The following CABIN1 variants were observed in gnomAD, a reference collection of about 807,000 sequenced individuals.
CABIN1 encodes the protein calcineurin binding protein 1.
Under a neutral mutation model 227.7 loss-of-function variants are expected in CABIN1, and 133 were observed. The observed-to-expected ratio is 0.58, with a 90% confidence interval of 0.51 to 0.67. The LOEUF is 0.67. Among genes scored for constraint, CABIN1 ranks in the 30% least tolerant of loss-of-function variants. CABIN1 has a pLI of 0.00. For missense variants in CABIN1, 2,408 were observed against 2,852.5 expected, an observed-to-expected ratio of 0.84 and a Z score of 3.55; for synonymous variants, 1,086 against 1,155.1, an observed-to-expected ratio of 0.94 and a Z score of 1.21.
At chr22:24,015,687 T>C (rs1480428829) in intron 1 of CABIN1, among the ~76,000 whole-genome samples, 4 of 151,892 alleles carry the variant, frequency 2.6e-5, no homozygotes. Flanking sequence ...CCAGGCATGG[T>C]GGCTCACGCC....
Position 24,108,671 on chromosome 22 carries a change from A to G in CABIN1, c.4118-4895A>G, listed in dbSNP as rs548889049. Among the ~76,000 whole-genome samples the G allele has an allele frequency of 7.9e-5, 12 of 152,326 alleles. No homozygotes were observed. The South Asian group carries it at 2.1e-3, about 26-fold the overall frequency. On this transcript the variant is annotated intron_variant, in intron 26 of 36. Transcript: ENST00000263119. Reference sequence around the variant, plus strand: ...CTATGGCAGGGATGCCTACAAGGTCACTGTCCCCAAACCCTGGTATATGAT... The same window carrying G: ...CTATGGCAGGGATGCCTACAAGGTCGCTGTCCCCAAACCCTGGTATATGAT...
At chr22:24,082,915 T>A (rs2040901661) in intron 19 of CABIN1, among the ~76,000 whole-genome samples, 1 of 152,186 alleles carries the variant, frequency 6.6e-6, no homozygotes, top group Non-Finnish European at 1.5e-5. Context: ...ATGAGTGAAG[T>A]TCCCAGGAGG....
intron 29 of CABIN1, among the ~76,000 whole-genome samples, chr22:24,142,553 C>T (rs995427189): frequency 4.6e-5 from 7 of 152,206 alleles, no homozygotes; most frequent in Non-Finnish European, 1.0e-4. Context: ...CTTGCCCCTT[C>T]TCTCTCTCCA....
chr22:24,172,595 G>C (rs1227423646), intron 34 of CABIN1, among the ~76,000 whole-genome samples: 1 of 152,226 alleles, frequency 6.6e-6, no homozygotes, highest in Non-Finnish European at 1.5e-5. Flanking sequence ...GAGGACAAAG[G>C]TGCGGGCAGT....
intron 23 of CABIN1, among the ~76,000 whole-genome samples, chr22:24,088,211 T>C (rs536981409): frequency 2.8e-4 from 42 of 152,140 alleles, no homozygotes; most frequent in Non-Finnish European, 5.0e-4. Context: ...ACTGACATGT[T>C]TAGGCTAGTG....
At chr22:24,035,183 C>T (rs2036776234) in intron 1 of CABIN1, among the ~76,000 whole-genome samples, 2 of 152,230 alleles carry the variant, frequency 1.3e-5, no homozygotes, top group Non-Finnish European at 2.9e-5. Flanking sequence ...GTTACCTCTG[C>T]TAGCAGTGAT....
In CABIN1 at chr22:24,113,686, C is replaced by A. The variant is rs144416228; in HGVS notation, c.4238C>A (p.Pro1413His). The change falls in exon 27 of 37, where the codon CCC becomes CAC. Residue 1413 changes from proline (P) to histidine (H), a missense_variant. By Grantham distance (77) the Pro-to-His change is moderately conservative. Around this residue, in one of 3 missense-constraint regions of CABIN1, gnomAD observed 649 missense variants for 910.3 expected, o/e 0.71. Coordinates refer to ENST00000263119, the MANE Select transcript of CABIN1 (RefSeq NM_012295.4). ...AAATCCTACACAGAGAAGAGGCTGC[C>A]CATTCTCAGTTCCCAAGCAGGAGCG... ...SRKSYTEKRL[P>H]ILSSQAGATG... 1.9e-5 allele frequency: 30 copies of A among 1,613,932 alleles called. No homozygotes were observed. The African/African-American group carries it at 3.7e-4, about 20-fold the overall frequency.
chr22:24,070,039 G>T (rs2146690133), intron 16 of CABIN1, among the ~76,000 whole-genome samples: 1 of 151,026 alleles, frequency 6.6e-6, no homozygotes, highest in Admixed American at 6.6e-5. Flanking sequence ...GAGATCCCAG[G>T]CATTTAAATG....
rs1342156938 is a variant in CABIN1, at chr22:24,042,677, A to G, written c.346-227A>G. Among the ~76,000 whole-genome samples, 4 of 152,136 alleles carry G rather than the reference A, an allele frequency of 2.6e-5. No individual in the cohort carries two copies. In the South Asian group the frequency reaches 6.2e-4, roughly 24 times the overall value. ...TCACTCTAGATCTTGGAAACGTGCGACTCCAGGAAAGATGAGCTGGCATTA... is the reference window on the plus strand; with the variant it reads ...TCACTCTAGATCTTGGAAACGTGCGGCTCCAGGAAAGATGAGCTGGCATTA... On this transcript the variant is annotated intron_variant, in intron 5 of 36. Coordinates refer to ENST00000263119, the MANE Select transcript of CABIN1 (RefSeq NM_012295.4).
At chr22:24,104,306 G>T (rs1457012684) in intron 26 of CABIN1, among the ~76,000 whole-genome samples, 1 of 152,166 alleles carries the variant, frequency 6.6e-6, no homozygotes, top group African/African-American at 2.4e-5. Flanking sequence ...TATCAAGAGG[G>T]GCTGTTCACC....
Position 24,104,709 on chromosome 22 carries a change from C to G in CABIN1, c.4117+6517C>G, listed in dbSNP as rs555735220. Among the ~76,000 whole-genome samples the G allele has an allele frequency of 6.6e-5, 10 of 152,334 alleles. No homozygotes were observed. The South Asian group carries it at 1.0e-3, about 16-fold the overall frequency. ...TGGGCACCCCGATTTCCCGGGCCAGCCTTGCTTCTGGTGGACGTGTTCTTT... is the reference window on the plus strand; with the variant it reads ...TGGGCACCCCGATTTCCCGGGCCAGGCTTGCTTCTGGTGGACGTGTTCTTT... On this transcript the variant is annotated intron_variant, in intron 26 of 36. Transcript: ENST00000263119.
At chr22:24,055,477 A>C (rs1301431200) in intron 9 of CABIN1, among the ~76,000 whole-genome samples, 1 of 152,178 alleles carries the variant, frequency 6.6e-6, no homozygotes, top group Admixed American at 6.5e-5. Context: ...GTTGCTCTTA[A>C]CCACTTGTAA....
chr22:24,098,482 A>G lies in CABIN1; in HGVS notation c.4117+290A>G, dbSNP rs116202675. On this transcript the variant is annotated intron_variant, in intron 26 of 36. Transcript: ENST00000263119. ...TGAGCCTTCTTTTTCTCGCCTGCAA[A>G]ATGGGGACATGACATCTACTTTGAA... 8.7e-3 allele frequency among the ~76,000 whole-genome samples: 1,329 copies of G among 152,218 alleles called. 21 individuals are homozygous for G. The highest frequency in any genetic ancestry group is 0.03 in the African/African-American group (1,245 of 41,520).
At chr22:24,057,126 C>T (rs376438288) in intron 10 of CABIN1, among the ~76,000 whole-genome samples, 12 of 152,204 alleles carry the variant, frequency 7.9e-5, no homozygotes, top group African/African-American at 2.4e-4. Flanking sequence ...TTGGTAGAGA[C>T]GGGGTTTCAC....
intron 29 of CABIN1, among the ~76,000 whole-genome samples, chr22:24,136,934 T>G (rs2148256834): frequency 6.6e-6 from 1 of 152,332 alleles, no homozygotes; most frequent in African/African-American, 2.4e-5. Flanking sequence ...GTGAGCCCTT[T>G]GTCAGTGTTT....
intron 5 of CABIN1, 86 bp from the exon 6 acceptor site, chr22:24,042,818 C>CCG (rs1491098123): frequency 2.9e-6 from 2 of 685,056 alleles, no homozygotes; most frequent in Admixed American, 3.2e-5. Flanking sequence ...AGAGATCTGA[C>CCG]TGTGTGTGTG....
chr22:24,096,481 T>C (rs1324101447), intron 25 of CABIN1, among the ~76,000 whole-genome samples: 1 of 152,160 alleles, frequency 6.6e-6, no homozygotes, highest in Non-Finnish European at 1.5e-5. Context: ...CCCATTCTCC[T>C]GAGAAGCAGT....
rs60105620 is a variant in CABIN1 at position 24,031,433 on chromosome 22, A to G, written c.-74-4011A>G. Among the ~76,000 whole-genome samples the G allele has an allele frequency of 4.1e-4, 62 of 152,346 alleles. No homozygotes were observed. The East Asian group carries it at 9.4e-3, about 23-fold the overall frequency. On this transcript the variant is annotated intron_variant, in intron 1 of 36. Coordinates refer to ENST00000263119, the MANE Select transcript of CABIN1 (RefSeq NM_012295.4). ...GTTGTAAAGGATCAGGGAGTCAAGT[A>G]TCTGAGACACAACTCAGCCACACTC...
intron 1 of CABIN1, among the ~76,000 whole-genome samples, chr22:24,032,000 A>C (rs541347077): frequency 6.6e-6 from 1 of 152,300 alleles, no homozygotes; most frequent in African/African-American, 2.4e-5. Flanking sequence ...ATGGAAACAA[A>C]ATTTACCATT....
Sources: gnomAD v4.1 joint callset for allele counts (sites outside exome capture counted in the v4.1 genomes callset) on GRCh38, gnomAD v4.1.1 for gene constraint, gnomAD v4.1.1 regional missense constraint, MANE v1.5 for transcripts, NCBI Gene and HGNC (gene_info 2026-07-23, HGNC 2026-07-21) for gene names.